The following RIN3 variants were observed in gnomAD, a reference collection of about 807,000 sequenced individuals.
The protein encoded by RIN3 is RAB5 interacting protein 3.
Under a neutral mutation model 76.3 loss-of-function variants are expected in RIN3, and 54 were observed. The observed-to-expected ratio is 0.71, with a 90% CI of 0.57 to 0.89. The LOEUF (loss-of-function observed/expected upper bound fraction) is 0.89, where lower values mean the gene tolerates loss of function less well. RIN3 is among the 40% of genes least tolerant of loss of function. The pLI, the probability that RIN3 is intolerant of heterozygous loss-of-function variation, is 0.00. For synonymous variants in RIN3, 576 were observed against 564.0 expected (o/e 1.02, Z -0.30); for missense variants, 1,256 against 1,322.1 (o/e 0.95, Z 0.78).
intron 1 of RIN3, among the ~76,000 whole-genome samples, chr14:92,535,613 GC>G (rs1364807373): frequency 6.7e-6 from 1 of 149,702 alleles, no homozygotes; most frequent in African/African-American, 2.5e-5. Flanking sequence ...TCTTCTAGAA[GC>G]TTTTTTGTTT....
chr14:92,669,760 T>C lies in RIN3; in HGVS notation c.2336-6715T>C, dbSNP rs143325129. On this transcript the variant is annotated intron_variant, in intron 7 of 9. Coordinates refer to ENST00000216487, the MANE Select transcript of RIN3 (RefSeq NM_024832.5). The stretch of plus-strand genomic sequence containing the variant: ...CACCTGATTTTGCAAATAGTTTTAT[T>C]GGAACACAACCCATATCCATACTCA... Among the ~76,000 whole-genome samples the C allele has an allele frequency of 2.2e-4, 34 of 152,326 alleles. No homozygotes were observed. In the East Asian group the frequency reaches 6.4e-3, roughly 29 times the overall value.
Position 92,659,356 on chromosome 14 carries a change from A to C in RIN3, c.2222A>C (p.Lys741Thr). The change falls in exon 7 of 10, where the codon AAG (lysine) becomes ACG (threonine). Residue 741 changes from lysine to threonine, a missense_variant. Physicochemically the swap from Lys to Thr is moderately conservative, Grantham distance 78 (BLOSUM62 -1). Coordinates refer to ENST00000216487, the MANE Select transcript of RIN3 (RefSeq NM_024832.5). The stretch of plus-strand genomic sequence containing the variant: ...GTGCCGGAGGTGCCCATGATGGAGA[A>C]GATCCTGCAGAAGTTCACCAGCATG... ...TSVPEVPMME[K>T]ILQKFTSMHK... is the part of the protein sequence containing the mutation. The C allele has an allele frequency of 6.2e-7, 1 of 1,612,734 alleles. No individual in the cohort carries two copies. The highest frequency in any genetic ancestry group is 8.5e-7 in the Non-Finnish European group (1 of 1,179,206).
At chr14:92,618,117 G>A (rs1180415855) in intron 4 of RIN3, among the ~76,000 whole-genome samples, 3 of 152,020 alleles carry the variant, frequency 2.0e-5, no homozygotes, top group Non-Finnish European at 2.9e-5. Flanking sequence ...ACCTGCATTG[G>A]GCCTTTATCC....
intron 3 of RIN3, among the ~76,000 whole-genome samples, chr14:92,592,158 T>C (rs1884998825): frequency 6.6e-6 from 1 of 152,082 alleles, no homozygotes; most frequent in South Asian, 2.1e-4. Context: ...TCCCAACACT[T>C]TGGGAGGCCG....
intron 3 of RIN3, among the ~76,000 whole-genome samples, chr14:92,614,087 G>C (rs1328791469): frequency 6.6e-6 from 1 of 152,232 alleles, no homozygotes; most frequent in African/African-American, 2.4e-5. Context: ...CCAGCTGCAG[G>C]CACTGACGGT....
intron 7 of RIN3, among the ~76,000 whole-genome samples, chr14:92,666,027 G>A (rs1217797377): frequency 2.1e-5 from 3 of 146,138 alleles, no homozygotes; most frequent in African/African-American, 8.3e-5. Flanking sequence ...ACTCCAGCCC[G>A]AGTCCCGCCT....
intron 8 of RIN3, 45 bp from the exon 9 acceptor site, chr14:92,684,942 G>A: frequency 1.3e-6 from 2 of 1,579,864 alleles, no homozygotes; most frequent in Non-Finnish European, 1.7e-6. Flanking sequence ...GCCTCTGGTG[G>A]GCGGAGGCGG....
chr14:92,559,804 G>A (rs1245762302), intron 2 of RIN3, among the ~76,000 whole-genome samples: 1 of 152,244 alleles, frequency 6.6e-6, no homozygotes, highest in South Asian at 2.1e-4. Flanking sequence ...AGAGGTGGAT[G>A]TGAGCCTTGC....
At position 92,688,234 on chromosome 14, in the gene RIN3, G is replaced by A; in HGVS notation, c.2940G>A (p.Arg980=). 1 of 1,593,188 alleles carries A rather than the reference G, an allele frequency of 6.3e-7. No individual in the cohort carries two copies. The highest frequency in any genetic ancestry group is 8.5e-7 in the Non-Finnish European group (1 of 1,171,282). Residue 980 remains arginine, a synonymous_variant, in exon 10 of 10, where the codon CGG becomes CGA. Transcript: ENST00000216487. ...GGAGCCCGCCCTGCCTGGTGGTGCGGGAGCCCAACTTCCTGTGAGGCCCTC... is the reference window on the plus strand; with the variant it reads ...GGAGCCCGCCCTGCCTGGTGGTGCGAGAGCCCAACTTCCTGTGAGGCCCTC... The part of the protein sequence containing the change: ...GGGSPPCLVV[R]EPNFL
chr14:92,595,360 A>G (rs781622065), intron 3 of RIN3, among the ~76,000 whole-genome samples: 12 of 152,216 alleles, frequency 7.9e-5, no homozygotes, highest in Non-Finnish European at 1.6e-4. Context: ...GAGCCTTTGC[A>G]AGTGCTTTAT....
chr14:92,664,970 A>G (rs1230313805), intron 7 of RIN3, among the ~76,000 whole-genome samples: 1 of 152,176 alleles, frequency 6.6e-6, no homozygotes, highest in Non-Finnish European at 1.5e-5. Flanking sequence ...TGTGCTTGTC[A>G]TATGTTTTTA....
Position 92,644,086 on chromosome 14 carries a change from G to T in RIN3, c.532+2757G>T, listed in dbSNP as rs769260702. On this transcript the variant is annotated intron_variant, in intron 5 of 9. Coordinates refer to ENST00000216487, the MANE Select transcript of RIN3 (RefSeq NM_024832.5). ...TTTCCCTGAAGAAATCCTCAGGGCTGGGCCTGGTGGCTCACACCTGTAAAG... is the reference window on the plus strand; with the variant it reads ...TTTCCCTGAAGAAATCCTCAGGGCTTGGCCTGGTGGCTCACACCTGTAAAG... Among the ~76,000 whole-genome samples, 136 of 152,158 alleles carry T rather than the reference G, an allele frequency of 8.9e-4. 1 individual carries two copies. In the Middle Eastern group the frequency reaches 0.017, roughly 19 times the overall value.
chr14:92,618,755 A>G (rs1356029380), intron 4 of RIN3, among the ~76,000 whole-genome samples: 2 of 152,246 alleles, frequency 1.3e-5, no homozygotes, highest in Non-Finnish European at 2.9e-5. Context: ...AACATTGGTT[A>G]TAAACAATTT....
At chr14:92,536,335 CCTT>C (rs1275144459) in intron 1 of RIN3, among the ~76,000 whole-genome samples, 1 of 152,174 alleles carries the variant, frequency 6.6e-6, no homozygotes, top group Non-Finnish European at 1.5e-5. Context: ...CAAGATCTGT[CCTT>C]CTATCTCTCC....
In RIN3 at chr14:92,565,584, G is replaced by C. The variant is rs375008567; in HGVS notation, c.249+9629G>C. Among the ~76,000 whole-genome samples, 175 of 152,344 alleles carry C rather than the reference G, an allele frequency of 1.1e-3. 1 individual carries two copies. The South Asian group carries it at 0.023, about 20-fold the overall frequency. On this transcript the variant is annotated intron_variant, in intron 2 of 9. Coordinates refer to ENST00000216487, the MANE Select transcript of RIN3 (RefSeq NM_024832.5). ...GGGAAAGGGGTAGGCATTTCCTGGA[G>C]CTAAGGGTTTCCCCGCTTTTTAGAC... is the stretch of plus-strand genomic sequence containing the variant.
At chr14:92,541,590 T>C (rs758826775) in intron 1 of RIN3, among the ~76,000 whole-genome samples, 13 of 152,216 alleles carry the variant, frequency 8.5e-5, no homozygotes, top group Non-Finnish European at 1.5e-4. Flanking sequence ...GCTGGAACAA[T>C]GTGGGATATC....
chr14:92,606,500 A>C (rs1885530890), intron 3 of RIN3, among the ~76,000 whole-genome samples: 1 of 152,198 alleles, frequency 6.6e-6, no homozygotes, highest in Non-Finnish European at 1.5e-5. Flanking sequence ...AGCCATGATC[A>C]CACCACTGCA....
Position 92,682,653 on chromosome 14 carries a change from T to C in RIN3, c.2468-2334T>C, listed in dbSNP as rs551422597. ...AACCCAAAGGGATACATCCACTGAGTCTGTCTCTTTCAAAGGCTTTCCTGG... is the reference window on the plus strand; with the variant it reads ...AACCCAAAGGGATACATCCACTGAGCCTGTCTCTTTCAAAGGCTTTCCTGG... On this transcript the variant is annotated intron_variant, in intron 8 of 9. Transcript: ENST00000216487. Among the ~76,000 whole-genome samples the C allele has an allele frequency of 9.2e-4, 140 of 152,176 alleles. 5 individuals carry two copies. The South Asian group carries it at 0.028, about 31-fold the overall frequency.
At chr14:92,622,670 A>T (rs1886224828) in intron 4 of RIN3, among the ~76,000 whole-genome samples, 1 of 152,192 alleles carries the variant, frequency 6.6e-6, no homozygotes, top group Non-Finnish European at 1.5e-5. Context: ...GCTAATTCCG[A>T]TTGTCTACAG....
Sources: allele counts gnomAD v4.1 joint callset (sites outside exome capture counted in the v4.1 genomes callset), GRCh38; gene constraint gnomAD v4.1.1; transcripts MANE v1.5; gene names NCBI Gene and HGNC (gene_info 2026-07-23, HGNC 2026-07-21).